The following SLC39A11 variants were observed in gnomAD, a reference collection of about 807,000 sequenced individuals.
SLC39A11 encodes the protein zinc transporter ZIP11.
In SLC39A11, 33 loss-of-function variants were observed where a neutral mutation model predicts 36.1. The ratio of observed to expected loss-of-function variants is 0.91; its 90% CI spans 0.69 to 1.22. SLC39A11 has a LOEUF of 1.22. SLC39A11 is among the 50% of genes most tolerant of loss of function. The pLI is 0.00. For synonymous variants in SLC39A11, 166 were observed against 170.3 expected (o/e 0.97, Z 0.20); for missense variants, 432 against 430.3 (o/e 1.00, Z -0.03).
chr17:72,701,727 CAAAAA>C (rs57220008), intron 7 of SLC39A11, among the ~76,000 whole-genome samples: 8 of 88,854 alleles, frequency 9.0e-5, no homozygotes, highest in Non-Finnish European at 1.3e-4. Context: ...GATTCTGTCT[CAAAAA>C]AAAAAAAAAA....
intron 4 of SLC39A11, among the ~76,000 whole-genome samples, chr17:72,996,112 A>T (rs2089488522): frequency 6.6e-6 from 1 of 152,060 alleles, no homozygotes; most frequent in African/African-American, 2.4e-5. Context: ...GCAAATCTGA[A>T]GATGTCACTC....
intron 4 of SLC39A11, among the ~76,000 whole-genome samples, chr17:72,952,214 C>T (rs893529077): frequency 6.6e-6 from 1 of 152,246 alleles, no homozygotes; most frequent in Non-Finnish European, 1.5e-5. Context: ...AAAACCTCCA[C>T]ATGCCTCTGA....
chr17:73,011,279 G>C (rs1200579594), intron 4 of SLC39A11, among the ~76,000 whole-genome samples: 1 of 152,234 alleles, frequency 6.6e-6, no homozygotes, highest in Non-Finnish European at 1.5e-5. Context: ...AAGGCAGGGG[G>C]GACAGGAAGG....
intron 9 of SLC39A11, 69 bp downstream of exon 9, chr17:72,648,734 G>A (rs969643037): frequency 6.3e-7 from 1 of 1,582,846 alleles, no homozygotes; most frequent in Non-Finnish European, 8.6e-7. Context: ...TGAAGAAAGA[G>A]CATATCCCAA....
At chr17:73,060,715 T>TAAG (rs1158460336) in intron 3 of SLC39A11, among the ~76,000 whole-genome samples, 1 of 152,208 alleles carries the variant, frequency 6.6e-6, no homozygotes, top group East Asian at 1.9e-4. Context: ...TGTCAAATAA[T>TAAG]AAGTAATGCT....
At chr17:73,045,887 C>T (rs1371091059) in intron 3 of SLC39A11, among the ~76,000 whole-genome samples, 4 of 152,180 alleles carry the variant, frequency 2.6e-5, no homozygotes, top group Admixed American at 6.5e-5. Context: ...AGCTGCCTCC[C>T]GTGGCACTCA....
At chr17:72,942,421 T>G (rs1249216215) in intron 5 of SLC39A11, among the ~76,000 whole-genome samples, 1 of 152,146 alleles carries the variant, frequency 6.6e-6, no homozygotes, top group Non-Finnish European at 1.5e-5. Context: ...ACTCTTTCAT[T>G]TTTAGAGATC....
Position 72,931,495 on chromosome 17 carries a change from C to G in SLC39A11, c.430+16257G>C, listed in dbSNP as rs556316464. ...ACTCCCCATCTCCAAGATCTCAGCC[C>G]AGAACCCGCTCTCCGTTCATCCGCT... On this transcript the variant is annotated intron_variant, in intron 5 of 9. Coordinates refer to ENST00000255559, the MANE Select transcript of SLC39A11 (RefSeq NM_139177.4). Among the ~76,000 whole-genome samples, 8 of 152,290 alleles carry G rather than the reference C, an allele frequency of 5.3e-5. No homozygotes were observed. The South Asian group carries it at 1.5e-3, about 28-fold the overall frequency.
At chr17:73,004,135 G>T (rs1485133267) in intron 4 of SLC39A11, among the ~76,000 whole-genome samples, 1 of 136,854 alleles carries the variant, frequency 7.3e-6, no homozygotes, top group Admixed American at 7.8e-5. Context: ...AGAAAGGAAA[G>T]AAAGGAAGAA....
chr17:72,737,875 G>GCTCCC (rs2074499283), intron 6 of SLC39A11, among the ~76,000 whole-genome samples: 1 of 152,104 alleles, frequency 6.6e-6, no homozygotes, highest in African/African-American at 2.4e-5. Flanking sequence ...CTCTGGGGCT[G>GCTCCC]GGAAAGAGTC....
intron 5 of SLC39A11, among the ~76,000 whole-genome samples, chr17:72,867,758 GCGCACACACACACACACACACA>G (rs1158051779): frequency 7.3e-6 from 1 of 137,228 alleles, no homozygotes; most frequent in East Asian, 2.0e-4. Context: ...TGAAGTGCGC[GCGCACACACACACACACACACA>G]CACACACACG....
intron 5 of SLC39A11, among the ~76,000 whole-genome samples, chr17:72,879,247 A>C (rs943213135): frequency 6.6e-6 from 1 of 152,216 alleles, no homozygotes; most frequent in African/African-American, 2.4e-5. Context: ...AGAGGTCAGG[A>C]GGTGAGATTG....
intron 7 of SLC39A11, among the ~76,000 whole-genome samples, chr17:72,680,363 T>C (rs1434687448): frequency 6.6e-6 from 1 of 152,190 alleles, no homozygotes; most frequent in African/African-American, 2.4e-5. Flanking sequence ...CCAAATCTCA[T>C]CTTGAATTGT....
chr17:73,065,197 G>C (rs961739452), intron 3 of SLC39A11, among the ~76,000 whole-genome samples: 1 of 152,086 alleles, frequency 6.6e-6, no homozygotes, highest in African/African-American at 2.4e-5. Context: ...TTGAGGTCAG[G>C]AGTTCGAGAC....
intron 7 of SLC39A11, among the ~76,000 whole-genome samples, chr17:72,706,103 C>A (rs937961013): frequency 6.6e-6 from 1 of 152,216 alleles, no homozygotes; most frequent in East Asian, 1.9e-4. Context: ...CCTGCTGGAA[C>A]CGGCAAACAG....
At chr17:72,888,139 C>T (rs2081530195) in intron 5 of SLC39A11, among the ~76,000 whole-genome samples, 1 of 152,152 alleles carries the variant, frequency 6.6e-6, no homozygotes. Flanking sequence ...ATAACTATTC[C>T]ACAGATATTA....
At chr17:72,819,071 C>A (rs1158924387) in intron 6 of SLC39A11, 1 of 152,034 alleles carries the variant, frequency 6.6e-6, no homozygotes, top group African/African-American at 2.4e-5. Flanking sequence ...GTCTCTCCCC[C>A]AAATTAATAT....
At chr17:72,923,180 T>C (rs1401486678) in intron 5 of SLC39A11, among the ~76,000 whole-genome samples, 2 of 152,088 alleles carry the variant, frequency 1.3e-5, no homozygotes, top group Non-Finnish European at 2.9e-5. Flanking sequence ...GTAAGACTTA[T>C]ACATCCCTGC....
chr17:72,719,625 G>C (rs1451867258), intron 7 of SLC39A11, among the ~76,000 whole-genome samples: 1 of 152,210 alleles, frequency 6.6e-6, no homozygotes, highest in Non-Finnish European at 1.5e-5. Flanking sequence ...GAACGGAGAA[G>C]AGAAAAGAAG....
Sources: allele counts gnomAD v4.1 joint callset (sites outside exome capture counted in the v4.1 genomes callset), GRCh38; gene constraint gnomAD v4.1.1; transcripts MANE v1.5; gene names NCBI Gene and HGNC (gene_info 2026-07-23, HGNC 2026-07-21).